ADRA1D: variants seen among roughly 807,000 people sequenced by gnomAD.
ADRA1D encodes the protein adrenoceptor alpha 1D, also known as alpha-1D adrenergic receptor.
ADRA1D carries 22 observed loss-of-function variants against 18.6 expected under a neutral mutation model. The ratio of observed to expected loss-of-function variants is 1.19; its 90% CI spans 0.85 to 1.69. ADRA1D has a LOEUF of 1.69. Among genes scored for constraint, ADRA1D ranks in the 40% most tolerant of loss-of-function variants. The pLI is 0.00. For synonymous variants in ADRA1D, 376 were observed against 388.2 expected, an observed-to-expected ratio of 0.97 and a Z score of 0.37; for missense variants, 840 against 840.7, an observed-to-expected ratio of 1.00 and a Z score of 0.01.
At chr20:4,231,571 T>G (rs960071414) in intron 1 of ADRA1D, among the ~76,000 whole-genome samples, 1 of 152,184 alleles carries the variant, frequency 6.6e-6, no homozygotes, top group African/African-American at 2.4e-5. Context: ...TGGCCTCTAA[T>G]GTGCAGAGGA....
At chr20:4,244,555 A>T (rs1981289909) in intron 1 of ADRA1D, among the ~76,000 whole-genome samples, 1 of 151,910 alleles carries the variant, frequency 6.6e-6, no homozygotes, top group Non-Finnish European at 1.5e-5. Context: ...TCTATCCCCT[A>T]CCACACACCT....
At chr20:4,227,704 C>CTTCCTTCCCTTCCTTCCTTCCT (rs1555820747) in intron 1 of ADRA1D, among the ~76,000 whole-genome samples, 1 of 92,542 alleles carries the variant, frequency 1.1e-5, no homozygotes, top group Non-Finnish European at 2.2e-5. Flanking sequence ...CCCTCCCTCC[C>CTTCCTTCCCTTCCTTCCTTCCT]TCCTTCCTTC....
At position 4,239,196 on chromosome 20, in the gene ADRA1D, C is replaced by A. The variant is rs1413325576; in HGVS notation, c.1111+8651G>T. 2.0e-5 allele frequency among the ~76,000 whole-genome samples: 3 copies of A among 152,056 alleles called. No homozygotes were observed. The highest frequency in any genetic ancestry group is 4.4e-5 in the Non-Finnish European group (3 of 68,020). On this transcript the variant is annotated intron_variant, in intron 1 of 1. Transcript: ENST00000379453. The surrounding 1 kb of genome is among the most constrained non-coding windows in gnomAD (Gnocchi z 4.9). The stretch of plus-strand genomic sequence containing the variant: ...TCAGCCTCAGTACAGTGGAGTCACA[C>A]TGATGACCAGGGTAGGGGTGGGAGT...
At position 4,238,503 on chromosome 20, in the gene ADRA1D, G is replaced by T. The variant is rs193172542; in HGVS notation, c.1111+9344C>A. Among the ~76,000 whole-genome samples, 3 of 152,250 alleles carry T rather than the reference G, an allele frequency of 2.0e-5. No homozygotes were observed. The East Asian group carries it at 5.8e-4, about 29-fold the overall frequency. ...GGTAGGAGACAAAGAGGGTTGAGGA[G>T]TAACTGAAAGAGTAAGGCTCCTTAG... On this transcript the variant is annotated intron_variant, in intron 1 of 1. Transcript: ENST00000379453.
chr20:4,240,932 C>G (rs1236134028), intron 1 of ADRA1D, among the ~76,000 whole-genome samples: 1 of 152,084 alleles, frequency 6.6e-6, no homozygotes, highest in African/African-American at 2.4e-5. Flanking sequence ...TTCTCTCTAT[C>G]AATGTATGTG....
At chr20:4,245,616 G>A (rs1311375631) in intron 1 of ADRA1D, among the ~76,000 whole-genome samples, 3 of 152,126 alleles carry the variant, frequency 2.0e-5, no homozygotes, top group Non-Finnish European at 4.4e-5. Context: ...TGTGCATTAA[G>A]CTAAAATTTT....
chr20:4,223,333 G>T (rs544475869), intron 1 of ADRA1D, among the ~76,000 whole-genome samples: 17 of 152,206 alleles, frequency 1.1e-4, no homozygotes, highest in Admixed American at 1.3e-4. Flanking sequence ...GTAATCTTTT[G>T]TATTTTGTTT....
chr20:4,248,203 G>A lies in ADRA1D; in HGVS notation c.755C>T (p.Ala252Val), dbSNP rs140631465. The A allele has an allele frequency of 7.0e-5, 111 of 1,591,910 alleles. No individual in the cohort carries two copies. The highest frequency in any genetic ancestry group is 1.1e-4 in the Admixed American group (6 of 56,386). ...CACGGAGGAGAAGACAGCGTAGCCCGCCTCCTCGGTGATACCGCAGAAGCG... is the reference window on the plus strand; with the variant it reads ...CACGGAGGAGAAGACAGCGTAGCCCACCTCCTCGGTGATACCGCAGAAGCG... ...DERFCGITEE[A>V]GYAVFSSVCS... The change falls in exon 1 of 2, where the codon GCG becomes GTG. Residue 252 changes from alanine (A) to valine (V), a missense_variant. Ala to Val is a moderately conservative substitution (Grantham distance 64, BLOSUM62 0). Coordinates refer to ENST00000379453, the MANE Select transcript of ADRA1D (RefSeq NM_000678.4).
intron 1 of ADRA1D, among the ~76,000 whole-genome samples, chr20:4,233,882 G>T (rs570066058): frequency 6.6e-6 from 1 of 152,320 alleles, no homozygotes; most frequent in Admixed American, 6.5e-5. Context: ...CAGAACTCCT[G>T]CCCGCTCCTC....
In ADRA1D at chr20:4,221,124, G is replaced by A. The variant is rs45581938; in HGVS notation, c.*399C>T. On this transcript the variant is annotated 3_prime_UTR_variant, in exon 2 of 2. Coordinates refer to ENST00000379453, the MANE Select transcript of ADRA1D (RefSeq NM_000678.4). ...TGACTTTTTCCCTAAGGGAGGCACT[G>A]GGGTAGCCGGCCAAAGCTTCTGTGC... 4.5e-3 allele frequency: 727 copies of A among 163,344 alleles called. 2 individuals are homozygous for A. Among genetic ancestry groups the A allele is most frequent in the Non-Finnish European group, 6.4e-3 (486 of 75,866 alleles). 10.1% of individuals were successfully genotyped at this position (163,344 alleles called of 1,614,324 possible). A position where few individuals can be genotyped will look rare whatever the true frequency, so the allele number is the denominator to read the frequency against.
intron 1 of ADRA1D, among the ~76,000 whole-genome samples, chr20:4,242,477 G>A (rs948631450): frequency 6.6e-6 from 1 of 152,180 alleles, no homozygotes; most frequent in Non-Finnish European, 1.5e-5. Flanking sequence ...GACAGTTACA[G>A]TGCATCGTGA....
At chr20:4,240,934 A>G (rs1254583669) in intron 1 of ADRA1D, among the ~76,000 whole-genome samples, 2 of 152,198 alleles carry the variant, frequency 1.3e-5, no homozygotes, top group Admixed American at 1.3e-4. Flanking sequence ...CTCTCTATCA[A>G]TGTATGTGTT....
At chr20:4,234,595 C>T (rs1357466113) in intron 1 of ADRA1D, among the ~76,000 whole-genome samples, 1 of 152,202 alleles carries the variant, frequency 6.6e-6, no homozygotes, top group Non-Finnish European at 1.5e-5. Flanking sequence ...GAAGGAATTC[C>T]CAGCCCCAGA....
Position 4,247,610 on chromosome 20 carries a change from A to G in ADRA1D, c.1111+237T>C, listed in dbSNP as rs111655061. On this transcript the variant is annotated intron_variant, in intron 1 of 1. Coordinates refer to ENST00000379453, the MANE Select transcript of ADRA1D (RefSeq NM_000678.4). ...CAGCAGCATAAGCCCAAGGCTTGGA[A>G]AAGAAGAAGGGAAGGACAGAAAAGT... 1.1e-3 allele frequency among the ~76,000 whole-genome samples: 164 copies of G among 152,352 alleles called. 2 individuals carry two copies. The highest frequency in any genetic ancestry group is 3.8e-3 in the African/African-American group (157 of 41,590).
intron 1 of ADRA1D, among the ~76,000 whole-genome samples, chr20:4,231,064 T>TTCTC (rs1168769579): frequency 8.2e-5 from 8 of 98,020 alleles, no homozygotes; most frequent in Admixed American, 2.2e-4. Context: ...CTTTCTTTCT[T>TTCTC]TCTCTCTCTC....
rs187455365 is a variant in ADRA1D at position 4,240,208 on chromosome 20, T to C, written c.1111+7639A>G. ...CAATCTGGTGTCTTCACTAAATAAA[T>C]GGAAAGAAAAAAAAGCAGTGGAGGC... On this transcript the variant is annotated intron_variant, in intron 1 of 1. Coordinates refer to ENST00000379453, the MANE Select transcript of ADRA1D (RefSeq NM_000678.4). Among the ~76,000 whole-genome samples the C allele has an allele frequency of 1.5e-3, 222 of 151,804 alleles. 1 individual carries two copies. The highest frequency in any genetic ancestry group is 5.2e-3 in the African/African-American group (216 of 41,400).
intron 1 of ADRA1D, among the ~76,000 whole-genome samples, chr20:4,228,489 G>A (rs937216249): frequency 3.3e-5 from 5 of 152,258 alleles, no homozygotes; most frequent in African/African-American, 1.2e-4. Flanking sequence ...GATACAAAGA[G>A]TCCAAGAATG....
At chr20:4,237,459 GA>G (rs35448645) in intron 1 of ADRA1D, among the ~76,000 whole-genome samples, 62 of 136,726 alleles carry the variant, frequency 4.5e-4, no homozygotes, top group African/African-American at 7.0e-4. Context: ...TCCATCTCTT[GA>G]AAAAAAAAAA....
rs1248512471 is a variant in ADRA1D, at chr20:4,247,866, G to T, written c.1092C>A (p.Phe364Leu). The T allele has an allele frequency of 2.6e-6, 4 of 1,567,276 alleles. No homozygotes were observed. The highest frequency in any genetic ancestry group is 3.5e-6 in the Non-Finnish European group (4 of 1,157,798). Residue 364 changes from phenylalanine to leucine, a missense_variant, in exon 1 of 2, where the codon TTC becomes TTA. Transcript: ENST00000379453. ...VGVFVLCWFP[F>L]FFVLPLGSLF... ...ACTCACCGAGCGGCAGGACAAAGAA[G>T]AAAGGGAACCAGCAGAGCACGAAGA...
Sources: gnomAD v4.1 joint callset for allele counts (sites outside exome capture counted in the v4.1 genomes callset) on GRCh38, gnomAD v4.1.1 for gene constraint, Gnocchi (gnomAD v3.1) non-coding constraint, MANE v1.5 for transcripts, NCBI Gene and HGNC (gene_info 2026-07-23, HGNC 2026-07-21) for gene names.